Variants in BBS5 observed in about 807,000 individuals in gnomAD.
BBS5 encodes BBSome complex member BBS5.
BBS5 carries 39 observed loss-of-function variants against 50.2 expected under a neutral mutation model. The observed-to-expected ratio is 0.78, with a 90% CI of 0.60 to 1.01. The LOEUF (loss-of-function observed/expected upper bound fraction) is 1.01, where lower values mean the gene tolerates loss of function less well. Ranked by LOEUF, BBS5 falls within the 50% of genes least tolerant of loss-of-function variation. BBS5 has a pLI of 0.00. For synonymous variants in BBS5, 134 were observed against 133.1 expected, an observed-to-expected ratio of 1.01 and a Z score of -0.05; for missense variants, 356 against 401.5, an observed-to-expected ratio of 0.89 and a Z score of 0.97.
intron 2 of BBS5, chr2:169,482,551 CT>C (rs1683416344): frequency 5.8e-6 from 3 of 518,338 alleles, no homozygotes; most frequent in Non-Finnish European, 1.0e-5. Flanking sequence ...CTAACATCAC[CT>C]TTATCCATTG....
At chr2:169,503,479 T>G (rs1047255787) in intron 10 of BBS5, among the ~76,000 whole-genome samples, 2 of 151,852 alleles carry the variant, frequency 1.3e-5, no homozygotes, top group East Asian at 3.9e-4. Flanking sequence ...CTGGCCAACA[T>G]GGCAAAAATC....
intron 2 of BBS5, among the ~76,000 whole-genome samples, chr2:169,482,936 A>C (rs1189522925): frequency 1.3e-5 from 2 of 152,218 alleles, no homozygotes; most frequent in African/African-American, 4.8e-5. Flanking sequence ...CATAGCAGCT[A>C]TCTGTGGAGC....
intron 2 of BBS5, among the ~76,000 whole-genome samples, chr2:169,484,767 A>T (rs1046782819): frequency 5.9e-5 from 9 of 152,220 alleles, no homozygotes; most frequent in African/African-American, 2.2e-4. Context: ...TGTATCTATA[A>T]TCAGAAAGTA....
chr2:169,498,673 C>T (rs1380901190), intron 8 of BBS5, among the ~76,000 whole-genome samples: 3 of 151,938 alleles, frequency 2.0e-5, no homozygotes, highest in Non-Finnish European at 2.9e-5. Context: ...GGCGTGGTGG[C>T]GGGCACCTGT....
At chr2:169,491,030 T>C (rs777540040) in intron 5 of BBS5, among the ~76,000 whole-genome samples, 3 of 152,212 alleles carry the variant, frequency 2.0e-5, no homozygotes, top group Non-Finnish European at 4.4e-5. Flanking sequence ...AATATTCCAT[T>C]GTATGGGCAT....
chr2:169,491,540 GA>G (rs1683600959), intron 5 of BBS5, among the ~76,000 whole-genome samples: 1 of 152,142 alleles, frequency 6.6e-6, no homozygotes, highest in Non-Finnish European at 1.5e-5. Context: ...TGTTTTATAT[GA>G]AATATTAAAA....
Position 169,505,380 on chromosome 2 carries a change from GT to G in BBS5, c.*799del. 1 of 343,834 alleles carries G rather than the reference GT, an allele frequency of 2.9e-6. No homozygotes were observed. Among genetic ancestry groups the G allele is most frequent in the East Asian group, 8.6e-5 (1 of 11,660 alleles). 21.3% of individuals were successfully genotyped at this position (343,834 alleles called of 1,614,324 possible). A position where few individuals can be genotyped will look rare whatever the true frequency, so the allele number is the denominator to read the frequency against. ...GCAGCCTCTGCCCGGCCGCCACCCC[GT>G]CTGGGAAGTGAGGAGCGTCTCTGCC... On this transcript the variant is annotated 3_prime_UTR_variant, in exon 12 of 12. Transcript: ENST00000295240.
In BBS5 at chr2:169,503,178, G is replaced by C. The variant is rs757001492; in HGVS notation, c.900G>C (p.Val300=). 2.4e-5 allele frequency: 39 copies of C among 1,607,098 alleles called. No individual in the cohort carries two copies. The highest frequency in any genetic ancestry group is 3.1e-5 in the Non-Finnish European group (36 of 1,173,956). Residue 300 remains valine, a splice_region_variant and synonymous_variant, in exon 10 of 12, where the codon GTG becomes GTC. Transcript: ENST00000295240. ...IDSDGHTDAF[V]AYFADGNKQQ... ...CTGATGGTCACACGGATGCTTTTGT[G>C]GTGAGCATCACAAAGGACAGCATTA...
In BBS5 at chr2:169,488,204, A is replaced by T. The variant is rs117278205; in HGVS notation, c.386+90A>T. 7.2e-4 allele frequency: 951 copies of T among 1,324,148 alleles called. 12 individuals are homozygous for T. The East Asian group carries it at 0.019, about 27-fold the overall frequency. 82.0% of individuals were successfully genotyped at this position (1,324,148 alleles called of 1,614,324 possible). Reference sequence around the variant, plus strand: ...GTCCCCAACCTTTTTGGCACCAGGGACCAGTTTCATGGAAGACAGTTTTTC... The same window carrying T: ...GTCCCCAACCTTTTTGGCACCAGGGTCCAGTTTCATGGAAGACAGTTTTTC... On this transcript the variant is annotated intron_variant, in intron 5 of 11. Coordinates refer to ENST00000295240, the MANE Select transcript of BBS5 (RefSeq NM_152384.3).
At chr2:169,480,867 G>T (rs1257994205) in intron 1 of BBS5, among the ~76,000 whole-genome samples, 1 of 151,898 alleles carries the variant, frequency 6.6e-6, no homozygotes, top group Non-Finnish European at 1.5e-5. Context: ...TTTTAGTAGA[G>T]ACGGGGTTTC....
At position 169,506,403 on chromosome 2, in the gene BBS5, G is replaced by C. The variant is rs142813498; in HGVS notation, c.*1821G>C. ...AAGATTGAGAAATCGGATGGTTGCC[G>C]TGTCTGTGTAGAAAGAAGTAGACAT... On this transcript the variant is annotated 3_prime_UTR_variant, in exon 12 of 12. Transcript: ENST00000295240. The C allele has an allele frequency of 1.6e-5, 3 of 182,838 alleles. No homozygotes were observed. The highest frequency in any genetic ancestry group is 2.2e-5 in the Non-Finnish European group (2 of 91,908). The allele number at this position is 182,838 out of a possible 1,614,324, so 11.3% of individuals were successfully genotyped here.
chr2:169,490,932 T>C (rs1559123038), intron 5 of BBS5, among the ~76,000 whole-genome samples: 1 of 152,226 alleles, frequency 6.6e-6, no homozygotes, highest in East Asian at 1.9e-4. Context: ...ATGTCTGACC[T>C]CTTTCACTTA....
intron 1 of BBS5, among the ~76,000 whole-genome samples, chr2:169,481,081 C>T (rs866939998): frequency 1.3e-5 from 2 of 152,216 alleles, no homozygotes; most frequent in Admixed American, 6.5e-5. Context: ...GTTACTGGGC[C>T]GATAGCTAGA....
rs370309524 is a variant in BBS5, at chr2:169,503,116, A to C, written c.838A>C (p.Thr280Pro). Residue 280 changes from threonine to proline, a missense_variant, in exon 10 of 12, where the codon ACA becomes CCA. Transcript: ENST00000295240. ...EEKPQPLEAL[T>P]VEQIQDDVEI... ...TCAGCCCCAGCCGCTCGAAGCTCTGACAGTCGAACAAATTCAAGATGATGT... is the reference window on the plus strand; with the variant it reads ...TCAGCCCCAGCCGCTCGAAGCTCTGCCAGTCGAACAAATTCAAGATGATGT... 19 of 1,613,852 alleles carry C rather than the reference A, an allele frequency of 1.2e-5. No homozygotes were observed. The highest frequency in any genetic ancestry group is 1.5e-5 in the Non-Finnish European group (18 of 1,179,888).
intron 1 of BBS5, 77 bp from the exon 2 acceptor site, chr2:169,482,174 T>C (rs1433083726): frequency 1.1e-6 from 1 of 890,302 alleles, no homozygotes; most frequent in African/African-American, 1.6e-5. Context: ...TATGTACATA[T>C]GTCTCTTTTC....
At chr2:169,479,752 C>A in intron 1 of BBS5, 140 bp downstream of exon 1, 2 of 936,848 alleles carry the variant, frequency 2.1e-6, no homozygotes, top group Admixed American at 2.0e-5. Context: ...TCGTCCGCGC[C>A]TCGAGAGACC....
At chr2:169,479,654 G>A (rs370362738) in intron 1 of BBS5, 42 bp downstream of exon 1, 21 of 1,610,310 alleles carry the variant, frequency 1.3e-5, no homozygotes, top group Non-Finnish European at 1.8e-5. Flanking sequence ...ACCCTGTAGA[G>A]GGCGCCGCCG....
intron 2 of BBS5, among the ~76,000 whole-genome samples, chr2:169,485,894 G>A (rs539838669): frequency 6.6e-6 from 1 of 152,266 alleles, no homozygotes; most frequent in Non-Finnish European, 1.5e-5. Context: ...AGCTCCATAG[G>A]ACTCTTGTTT....
In BBS5 at chr2:169,501,335, A is replaced by G. The variant is rs116558866; in HGVS notation, c.816+1715A>G. 8.8e-3 allele frequency among the ~76,000 whole-genome samples: 1,333 copies of G among 152,298 alleles called. 26 individuals carry two copies. The highest frequency in any genetic ancestry group is 0.03 in the African/African-American group (1,257 of 41,538). On this transcript the variant is annotated intron_variant, in intron 9 of 11. Coordinates refer to ENST00000295240, the MANE Select transcript of BBS5 (RefSeq NM_152384.3). ...AGTTATTACTCTTCTTTGTAGAATA[A>G]TGTTGCAGAACAAGCATGGTCCTTA...
Sources: allele counts gnomAD v4.1 joint callset (sites outside exome capture counted in the v4.1 genomes callset), GRCh38; gene constraint gnomAD v4.1.1; transcripts MANE v1.5; gene names NCBI Gene and HGNC (gene_info 2026-07-23, HGNC 2026-07-21).